Variants in TRIM33 observed in about 807,000 individuals in gnomAD.
TRIM33 encodes the protein tripartite motif containing 33.
Under a neutral mutation model 125.4 loss-of-function variants are expected in TRIM33, and 20 were observed. That is an observed-to-expected ratio of 0.16 (90% CI 0.11 to 0.23). The LOEUF (loss-of-function observed/expected upper bound fraction) is 0.23. Among genes scored for constraint, TRIM33 ranks in the 10% least tolerant of loss-of-function variants. The pLI, the probability that TRIM33 is intolerant of heterozygous loss-of-function variation, is 1.00. For missense variants in TRIM33, 920 were observed against 1,411.4 expected (o/e 0.65, Z 5.58); for synonymous variants, 564 against 513.9 (o/e 1.10, Z -1.32).
chr1:114,507,798 C>T lies in TRIM33; in HGVS notation c.526+2753G>A, dbSNP rs1653085837. ...AATGGTATATAGGAGTTAATACTGACAAATTATTTTCTAGACTATCTAAAA... is the reference window on the plus strand; with the variant it reads ...AATGGTATATAGGAGTTAATACTGATAAATTATTTTCTAGACTATCTAAAA... On this transcript the variant is annotated intron_variant, in intron 1 of 19. Coordinates refer to ENST00000358465, the MANE Select transcript of TRIM33 (RefSeq NM_015906.4). Among the ~76,000 whole-genome samples, 4 of 152,050 alleles carry T rather than the reference C, an allele frequency of 2.6e-5. No homozygotes were observed. The South Asian group carries it at 8.3e-4, about 32-fold the overall frequency.
At position 114,408,658 on chromosome 1, in the gene TRIM33, T is replaced by C; in HGVS notation, c.2258+19A>G. The stretch of plus-strand genomic sequence containing the variant: ...TTTTTCTTAACAAAAAGGAAAAAAA[T>C]AATTATCAATATACTCACCTGCCTC... On this transcript the variant is annotated intron_variant, in intron 13 of 19. Transcript: ENST00000358465. 2 of 1,537,262 alleles carry C rather than the reference T, an allele frequency of 1.3e-6. No individual in the cohort carries two copies. Among genetic ancestry groups the C allele is most frequent in the South Asian group, 1.2e-5 (1 of 84,184 alleles).
Position 114,500,122 on chromosome 1 carries a change from G to A in TRIM33, c.526+10429C>T, listed in dbSNP as rs866380567. ...TCGGACGTTGCAGTGAGCAGAGATC[G>A]TGCCATTGCACTCCAGCCTGGGCAA... On this transcript the variant is annotated intron_variant, in intron 1 of 19. Transcript: ENST00000358465. Among the ~76,000 whole-genome samples the A allele has an allele frequency of 2.6e-5, 4 of 152,266 alleles. No individual in the cohort carries two copies. The South Asian group carries it at 6.2e-4, about 24-fold the overall frequency.
At position 114,498,593 on chromosome 1, in the gene TRIM33, G is replaced by A. The variant is rs1369859206; in HGVS notation, c.526+11958C>T. Among the ~76,000 whole-genome samples the A allele has an allele frequency of 2.0e-5, 3 of 151,900 alleles. No homozygotes were observed. In the South Asian group the frequency reaches 6.2e-4, roughly 31 times the overall value. On this transcript the variant is annotated intron_variant, in intron 1 of 19. Coordinates refer to ENST00000358465, the MANE Select transcript of TRIM33 (RefSeq NM_015906.4). ...GACCCAGGGAGGCAGAGGTTGTAGT[G>A]AGCCATCCAGTCTGGGTGACAGAAT... is the stretch of plus-strand genomic sequence containing the variant.
chr1:114,421,391 A>C (rs1264531224), intron 11 of TRIM33, 45 bp downstream of exon 11: 2 of 1,539,052 alleles, frequency 1.3e-6, no homozygotes, highest in Admixed American at 1.7e-5. Flanking sequence ...TAACTCTGTA[A>C]TTAACATTAA....
chr1:114,432,328 CATCT>C (rs1376623578), intron 5 of TRIM33, among the ~76,000 whole-genome samples: 2 of 152,154 alleles, frequency 1.3e-5, no homozygotes, highest in Non-Finnish European at 2.9e-5. Context: ...AAGAGACATC[CATCT>C]ATCATTTCTG....
At chr1:114,493,685 T>C (rs915865067) in intron 1 of TRIM33, among the ~76,000 whole-genome samples, 1 of 152,196 alleles carries the variant, frequency 6.6e-6, no homozygotes, top group Non-Finnish European at 1.5e-5. Flanking sequence ...ATCCTTTTTT[T>C]GTTTTGAGAC....
At chr1:114,489,436 A>T (rs1401830378) in intron 1 of TRIM33, among the ~76,000 whole-genome samples, 1 of 152,116 alleles carries the variant, frequency 6.6e-6, no homozygotes, top group Non-Finnish European at 1.5e-5. Flanking sequence ...TATAAATTGG[A>T]CCTCATCAAA....
rs1649753486 is a variant in TRIM33, at chr1:114,458,468, A to AC, written c.923+4635dup. On this transcript the variant is annotated intron_variant, in intron 4 of 19. Transcript: ENST00000358465. ...AGAGACTAATTCAACTGGTCCTGTG[A>AC]CCCCTACTCAGGAAGTGACTCAGCA... Among the ~76,000 whole-genome samples, 3 of 152,082 alleles carry AC rather than the reference A, an allele frequency of 2.0e-5. No individual in the cohort carries two copies. The South Asian group carries it at 6.2e-4, about 31-fold the overall frequency.
chr1:114,498,131 A>AAG lies in TRIM33; in HGVS notation c.526+12419_526+12420insCT, dbSNP rs1244897680. Among the ~76,000 whole-genome samples the AAG allele has an allele frequency of 1.3e-3, 198 of 151,112 alleles. 2 individuals carry two copies. The highest frequency in any genetic ancestry group is 1.6e-3 in the Non-Finnish European group (108 of 67,650). On this transcript the variant is annotated intron_variant, in intron 1 of 19. Transcript: ENST00000358465. ...GACAGACTGAGACTCTGTCTCAAAA[A>AAG]AAAAAAAAAAAAAAAGTTATATAAT...
rs528952083 is a variant in TRIM33, at chr1:114,464,637, T to C, written c.527-249A>G. On this transcript the variant is annotated intron_variant, in intron 1 of 19. Transcript: ENST00000358465. ...TTATAATATGTGGTTAGCTGAATAA[T>C]TGCCCCAAAAGAAATCCAGATCCTG... is the stretch of plus-strand genomic sequence containing the variant. 8.5e-5 allele frequency among the ~76,000 whole-genome samples: 13 copies of C among 152,282 alleles called. No individual in the cohort carries two copies. The East Asian group carries it at 1.7e-3, about 20-fold the overall frequency.
chr1:114,442,143 C>T (rs547393535), intron 4 of TRIM33, among the ~76,000 whole-genome samples: 20 of 152,194 alleles, frequency 1.3e-4, no homozygotes, highest in African/African-American at 4.1e-4. Flanking sequence ...ACCTGGTATA[C>T]GATGAGTACT....
In TRIM33 at chr1:114,413,969, G is replaced by A. The variant is rs528698753; in HGVS notation, c.2062-3653C>T. 5.3e-5 allele frequency among the ~76,000 whole-genome samples: 8 copies of A among 150,362 alleles called. No homozygotes were observed. In the East Asian group the frequency reaches 1.4e-3, roughly 26 times the overall value. ...TTGAGCACCACTGCACTCCAGCCTC[G>A]GCAAAAGAGTGAGACCCTGTCTCAA... On this transcript the variant is annotated intron_variant, in intron 11 of 19. Transcript: ENST00000358465.
intron 1 of TRIM33, among the ~76,000 whole-genome samples, chr1:114,481,465 C>A (rs1300726516): frequency 6.6e-6 from 1 of 151,408 alleles, no homozygotes; most frequent in African/African-American, 2.4e-5. Flanking sequence ...GTGGCACACG[C>A]CTATAATCCC....
intron 7 of TRIM33, 75 bp downstream of exon 7, chr1:114,427,673 T>C: frequency 1.4e-6 from 2 of 1,449,146 alleles, no homozygotes; most frequent in East Asian, 2.4e-5. Context: ...ATGTATACTT[T>C]AAACAGGTGC....
rs1557838244 is a variant in TRIM33 at position 114,397,604 on chromosome 1, T to C, written c.*44A>G. 5.1e-6 allele frequency: 6 copies of C among 1,180,312 alleles called. No homozygotes were observed. The highest frequency in any genetic ancestry group is 2.5e-5 in the East Asian group (1 of 40,066). The allele number at this position is 1,180,312 out of a possible 1,614,324, so 73.1% of individuals were successfully genotyped here. Reference sequence around the variant, plus strand: ...GGTTTTTTGTGTTTTTTTTTTTTTTTTCGTTTTTTTTTTTTTAAACAATTG... The same window carrying C: ...GGTTTTTTGTGTTTTTTTTTTTTTTCTCGTTTTTTTTTTTTTAAACAATTG... On this transcript the variant is annotated 3_prime_UTR_variant, in exon 20 of 20. Coordinates refer to ENST00000358465, the MANE Select transcript of TRIM33 (RefSeq NM_015906.4).
intron 16 of TRIM33, among the ~76,000 whole-genome samples, 171 bp downstream of exon 16, chr1:114,402,589 T>C (rs1557841841): frequency 6.6e-6 from 1 of 151,998 alleles, no homozygotes; most frequent in East Asian, 1.9e-4. Flanking sequence ...GGTCTGTAGT[T>C]CAGGGTTAGA....
At chr1:114,474,542 G>A (rs937249961) in intron 1 of TRIM33, among the ~76,000 whole-genome samples, 22 of 138,034 alleles carry the variant, frequency 1.6e-4, no homozygotes, top group South Asian at 1.2e-3. Flanking sequence ...CCACTCTACC[G>A]TAGCCTGGGT....
chr1:114,481,402 C>T (rs537799145), intron 1 of TRIM33, among the ~76,000 whole-genome samples: 3 of 151,970 alleles, frequency 2.0e-5, no homozygotes, highest in Non-Finnish European at 4.4e-5. Flanking sequence ...ACCAGCCTGG[C>T]CAAGATGGTG....
chr1:114,401,344 G>A, intron 17 of TRIM33, 45 bp downstream of exon 17: 1 of 1,542,196 alleles, frequency 6.5e-7, no homozygotes, highest in South Asian at 1.1e-5. Context: ...ATACTCTTAA[G>A]TATTATGAGA....
Sources: allele counts gnomAD v4.1 joint callset (sites outside exome capture counted in the v4.1 genomes callset), GRCh38; gene constraint gnomAD v4.1.1; transcripts MANE v1.5; gene names NCBI Gene and HGNC (gene_info 2026-07-23, HGNC 2026-07-21).